The following VTI1A variants were observed in gnomAD, a reference collection of about 807,000 sequenced individuals.
The protein encoded by VTI1A is vesicle transport through interaction with t-SNAREs 1A, also known as vesicle transport through interaction with t-SNAREs homolog 1A.
A neutral mutation model predicts 34.9 loss-of-function variants in VTI1A; 22 were observed. The observed-to-expected ratio is 0.63, with a 90% CI of 0.45 to 0.90. VTI1A has a LOEUF of 0.90. Among genes scored for constraint, VTI1A ranks in the 40% least tolerant of loss-of-function variants. The probability of loss-of-function intolerance (pLI) is 0.00; values close to 1 mark genes in which losing one functional copy is unlikely to be tolerated. For missense variants in VTI1A, 268 were observed against 275.6 expected, an observed-to-expected ratio of 0.97 and a Z score of 0.20; for synonymous variants, 87 against 97.3, an observed-to-expected ratio of 0.89 and a Z score of 0.62.
intron 5 of VTI1A, among the ~76,000 whole-genome samples, chr10:112,591,064 G>A (rs927759070): frequency 4.6e-5 from 7 of 152,172 alleles, no homozygotes; most frequent in African/African-American, 1.7e-4. Context: ...TTGCATCACT[G>A]CACTCCAGCC....
At chr10:112,803,161 T>A (rs1852935589) in intron 7 of VTI1A, among the ~76,000 whole-genome samples, 1 of 152,130 alleles carries the variant, frequency 6.6e-6, no homozygotes, top group Non-Finnish European at 1.5e-5. Context: ...CTCTGCCTCC[T>A]GGGTTCAAGC....
intron 7 of VTI1A, chr10:112,737,211 C>A: frequency 1.7e-6 from 1 of 596,250 alleles, no homozygotes; most frequent in Non-Finnish European, 2.2e-6. Flanking sequence ...GCTGGGACTA[C>A]AGGCACACAC....
intron 5 of VTI1A, among the ~76,000 whole-genome samples, chr10:112,542,919 C>A (rs762964313): frequency 5.9e-5 from 9 of 152,242 alleles, no homozygotes; most frequent in Middle Eastern, 6.8e-3. Context: ...TGAGTGAGAA[C>A]ATGCAGTGTT....
chr10:112,527,091 G>A lies in VTI1A; in HGVS notation c.269G>A (p.Arg90Lys), dbSNP rs267602365. 5.0e-6 allele frequency: 8 copies of A among 1,612,674 alleles called. No individual in the cohort carries two copies. Among genetic ancestry groups the A allele is most frequent in the Non-Finnish European group, 6.8e-6 (8 of 1,179,340 alleles). Residue 90 changes from arginine to lysine, a missense_variant, in exon 4 of 8, where the codon AGG (arginine) becomes AAG (lysine). Physicochemically the swap from Arg to Lys is conservative, Grantham distance 26. Coordinates refer to ENST00000393077, the MANE Select transcript of VTI1A (RefSeq NM_145206.4). ...EMGKLETDFK[R>K]SRIAYSDEVR... is the part of the protein sequence containing the mutation. Reference sequence around the variant, plus strand: ...CCTTTTTGTTTTGTTTTATAGAAAAGGTCACGGATCGCCTACAGTGACGAA... The same window carrying A: ...CCTTTTTGTTTTGTTTTATAGAAAAAGTCACGGATCGCCTACAGTGACGAA...
At chr10:112,673,691 G>A (rs1050413855) in intron 7 of VTI1A, among the ~76,000 whole-genome samples, 3 of 152,206 alleles carry the variant, frequency 2.0e-5, no homozygotes, top group Admixed American at 6.5e-5. Flanking sequence ...AGTTACTTTC[G>A]AGTTAGCCTG....
intron 7 of VTI1A, among the ~76,000 whole-genome samples, chr10:112,792,376 G>A (rs1019390703): frequency 1.3e-5 from 2 of 152,110 alleles, no homozygotes; most frequent in Non-Finnish European, 2.9e-5. Flanking sequence ...TGCAGATCAG[G>A]AAATGGGGGC....
intron 5 of VTI1A, among the ~76,000 whole-genome samples, chr10:112,635,504 T>C (rs1340951740): frequency 1.3e-5 from 2 of 152,278 alleles, no homozygotes; most frequent in East Asian, 3.9e-4. Context: ...AAATGCTGGC[T>C]TAAACCTTGG....
intron 7 of VTI1A, among the ~76,000 whole-genome samples, chr10:112,691,226 A>C (rs2133880129): frequency 6.6e-6 from 1 of 151,850 alleles, no homozygotes; most frequent in Non-Finnish European, 1.5e-5. Flanking sequence ...ATGCCACTGC[A>C]CTCCAGCCTG....
Position 112,668,932 on chromosome 10 carries a change from T to G in VTI1A, c.499-5T>G. 1 of 1,612,268 alleles carries G rather than the reference T, an allele frequency of 6.2e-7. No individual in the cohort carries two copies. Among genetic ancestry groups the G allele is most frequent in the South Asian group, 1.1e-5 (1 of 91,002 alleles). ...ACTTCTGTTTTGTTTTGTTTCTTCT[T>G]GTAGCTTCGGGAAACAGATGCTAAT... On this transcript the variant is annotated splice_polypyrimidine_tract_variant and splice_region_variant and intron_variant, in intron 6 of 7. Coordinates refer to ENST00000393077, the MANE Select transcript of VTI1A (RefSeq NM_145206.4).
intron 5 of VTI1A, among the ~76,000 whole-genome samples, chr10:112,663,701 A>C (rs1239241117): frequency 6.6e-6 from 1 of 152,196 alleles, no homozygotes; most frequent in Admixed American, 6.5e-5. Flanking sequence ...AATGCCAAAG[A>C]GTGACTGACC....
In VTI1A at chr10:112,618,520, T is replaced by TAGAGAGAGAGAGAGAGAGAGAGAGAG. The variant is rs1249234028; in HGVS notation, c.428-49697_428-49696insGAGAGAGAGAGAGAGAGAGAGAGAGA. 2.4e-4 allele frequency among the ~76,000 whole-genome samples: 11 copies of TAGAGAGAGAGAGAGAGAGAGAGAGAG among 46,190 alleles called. No individual in the cohort carries two copies. In the East Asian group the frequency reaches 2.7e-3, roughly 11 times the overall value. The allele number at this position is 46,190 out of a possible 152,430, so 30.3% of individuals were successfully genotyped here. Reference sequence around the variant, plus strand: ...ATATATATATATATATATATATATATATATAGAGAGAGAGAGAGAGAGAGA... The same window carrying TAGAGAGAGAGAGAGAGAGAGAGAGAG: ...ATATATATATATATATATATATATATAGAGAGAGAGAGAGAGAGAGAGAGAGATATAGAGAGAGAGAGAGAGAGAGA... On this transcript the variant is annotated intron_variant, in intron 5 of 7. Transcript: ENST00000393077.
At chr10:112,487,451 A>G (rs1848680976) in intron 3 of VTI1A, among the ~76,000 whole-genome samples, 1 of 152,176 alleles carries the variant, frequency 6.6e-6, no homozygotes, top group Non-Finnish European at 1.5e-5. Context: ...GAGGCATGCA[A>G]GGTTTATCAT....
At chr10:112,481,612 T>G (rs1039610934) in intron 3 of VTI1A, among the ~76,000 whole-genome samples, 3 of 152,232 alleles carry the variant, frequency 2.0e-5, no homozygotes, top group Admixed American at 6.5e-5. Flanking sequence ...CTTCACCCTG[T>G]GAAGTCTTGT....
At chr10:112,629,157 G>T (rs989011762) in intron 5 of VTI1A, among the ~76,000 whole-genome samples, 2 of 152,228 alleles carry the variant, frequency 1.3e-5, no homozygotes, top group East Asian at 3.9e-4. Context: ...ACACTCAGAG[G>T]CCTCAGACAC....
intron 5 of VTI1A, among the ~76,000 whole-genome samples, chr10:112,633,047 C>T (rs1205749371): frequency 6.6e-6 from 1 of 152,116 alleles, no homozygotes; most frequent in African/African-American, 2.4e-5. Flanking sequence ...CTGGGCTGGG[C>T]GTGGTGGCTC....
chr10:112,515,384 T>C (rs963834446), intron 3 of VTI1A, among the ~76,000 whole-genome samples: 13 of 152,118 alleles, frequency 8.5e-5, no homozygotes, highest in Non-Finnish European at 1.9e-4. Context: ...TTTTTATTGA[T>C]TTAATTATCA....
intron 5 of VTI1A, among the ~76,000 whole-genome samples, chr10:112,658,273 A>T (rs1847311114): frequency 6.6e-6 from 1 of 151,872 alleles, no homozygotes; most frequent in Admixed American, 6.6e-5. Context: ...TTTTTAAGAG[A>T]TGGTGATCTC....
chr10:112,606,329 C>T (rs780561961), intron 5 of VTI1A, among the ~76,000 whole-genome samples: 5 of 151,800 alleles, frequency 3.3e-5, no homozygotes, highest in Admixed American at 1.3e-4. Context: ...CCGGCCATTG[C>T]GTGCTATTCT....
At chr10:112,801,293 T>C (rs562558403) in intron 7 of VTI1A, among the ~76,000 whole-genome samples, 2 of 152,236 alleles carry the variant, frequency 1.3e-5, no homozygotes, top group African/African-American at 2.4e-5. Flanking sequence ...GCCTGGCCTT[T>C]TCCCTGGGTA....
Sources: allele counts gnomAD v4.1 joint callset (sites outside exome capture counted in the v4.1 genomes callset), GRCh38; gene constraint gnomAD v4.1.1; transcripts MANE v1.5; gene names NCBI Gene and HGNC (gene_info 2026-07-23, HGNC 2026-07-21).